Variants in LHFPL3 observed in about 807,000 individuals in gnomAD.
LHFPL3 encodes LHFPL tetraspan subfamily member 3, also known as LHFPL tetraspan subfamily member 3 protein.
A neutral mutation model predicts 19.3 loss-of-function variants in LHFPL3; 5 were observed. The observed-to-expected ratio is 0.26, with a 90% CI of 0.14 to 0.54. LHFPL3 has a LOEUF of 0.54. Ranked by LOEUF, LHFPL3 falls within the 20% of genes least tolerant of loss-of-function variation. LHFPL3 has a pLI of 0.94. For missense variants in LHFPL3, 249 were observed against 307.4 expected, an observed-to-expected ratio of 0.81 and a Z score of 1.42; for synonymous variants, 133 against 126.2, an observed-to-expected ratio of 1.05 and a Z score of -0.36.
At chr7:104,488,632 A>G (rs1267114072) in intron 1 of LHFPL3, among the ~76,000 whole-genome samples, 1 of 152,160 alleles carries the variant, frequency 6.6e-6, no homozygotes, top group Non-Finnish European at 1.5e-5. Flanking sequence ...TCATTTGGTC[A>G]AGGGATAAGA....
At chr7:104,373,673 G>C (rs1044087972) in intron 1 of LHFPL3, among the ~76,000 whole-genome samples, 1 of 137,036 alleles carries the variant, frequency 7.3e-6, no homozygotes, top group Non-Finnish European at 1.6e-5. Flanking sequence ...AGAAAGGCGG[G>C]AAAAACTCAA....
At chr7:104,555,161 A>G (rs1286381423) in intron 1 of LHFPL3, among the ~76,000 whole-genome samples, 1 of 152,222 alleles carries the variant, frequency 6.6e-6, no homozygotes, top group Non-Finnish European at 1.5e-5. Flanking sequence ...CTATCTAGGT[A>G]TCCATTAAGC....
At chr7:104,884,612 G>A (rs1349762919) in intron 2 of LHFPL3, among the ~76,000 whole-genome samples, 5 of 152,168 alleles carry the variant, frequency 3.3e-5, no homozygotes, top group Non-Finnish European at 7.3e-5. Flanking sequence ...CCAGCTGTTA[G>A]GAGGGAAATT....
At chr7:104,668,342 C>T in intron 1 of LHFPL3, 4 of 1,594,186 alleles carry the variant, frequency 2.5e-6, no homozygotes, top group South Asian at 1.1e-5. Context: ...CAGATACAGA[C>T]TGGAGGGCTC....
intron 2 of LHFPL3, among the ~76,000 whole-genome samples, chr7:104,883,115 A>C (rs1411749116): frequency 6.6e-6 from 1 of 152,252 alleles, no homozygotes; most frequent in Admixed American, 6.5e-5. Context: ...GATCAAGTTG[A>C]AACAAAGAGC....
intron 1 of LHFPL3, among the ~76,000 whole-genome samples, chr7:104,613,011 C>G (rs1042683290): frequency 1.3e-5 from 2 of 152,202 alleles, no homozygotes; most frequent in African/African-American, 2.4e-5. Flanking sequence ...ACTGTATTTA[C>G]TAATCATAGC....
intron 1 of LHFPL3, among the ~76,000 whole-genome samples, chr7:104,485,958 T>C (rs1413897488): frequency 6.6e-6 from 1 of 152,256 alleles, no homozygotes; most frequent in Non-Finnish European, 1.5e-5. Context: ...CAAGATGCAT[T>C]GTTTCTTTAG....
At chr7:104,568,907 G>A (rs1790174578) in intron 1 of LHFPL3, among the ~76,000 whole-genome samples, 1 of 152,198 alleles carries the variant, frequency 6.6e-6, no homozygotes, top group Non-Finnish European at 1.5e-5. Flanking sequence ...ATAGCAGAAT[G>A]TTTTGGCTAA....
At chr7:104,762,966 G>T (rs1315477624) in intron 2 of LHFPL3, among the ~76,000 whole-genome samples, 1 of 152,142 alleles carries the variant, frequency 6.6e-6, no homozygotes, top group Non-Finnish European at 1.5e-5. Context: ...GACCCTTCGT[G>T]GTGGCAAAAG....
At chr7:104,384,787 CAAAAAAAAAAAA>C (rs771136918) in intron 1 of LHFPL3, among the ~76,000 whole-genome samples, 8 of 74,564 alleles carry the variant, frequency 1.1e-4, no homozygotes, top group Non-Finnish European at 1.8e-4. Flanking sequence ...AACTCTATTT[CAAAAAAAAAAAA>C]AAAAAAAAAA....
At chr7:104,670,339 A>G (rs1240798796) in intron 1 of LHFPL3, among the ~76,000 whole-genome samples, 1 of 152,276 alleles carries the variant, frequency 6.6e-6, no homozygotes, top group Non-Finnish European at 1.5e-5. Flanking sequence ...TATTTCCTGG[A>G]GCCGGAAGCA....
chr7:104,351,491 C>T (rs1330559864), intron 1 of LHFPL3, among the ~76,000 whole-genome samples: 1 of 152,162 alleles, frequency 6.6e-6, no homozygotes, highest in Non-Finnish European at 1.5e-5. Context: ...TGGGCTCCTT[C>T]CTCCAATAAA....
At chr7:104,688,466 G>A (rs1033581063) in intron 1 of LHFPL3, among the ~76,000 whole-genome samples, 23 of 152,170 alleles carry the variant, frequency 1.5e-4, no homozygotes, top group African/African-American at 5.1e-4. Context: ...ATGGGACCCT[G>A]CAACTTGGAA....
chr7:104,388,786 C>T (rs1445004974), intron 1 of LHFPL3, among the ~76,000 whole-genome samples: 2 of 151,928 alleles, frequency 1.3e-5, no homozygotes, highest in African/African-American at 4.8e-5. Flanking sequence ...TGATTACTTT[C>T]ATAGATGCAG....
At chr7:104,843,400 C>A (rs1791251699) in intron 2 of LHFPL3, among the ~76,000 whole-genome samples, 1 of 152,194 alleles carries the variant, frequency 6.6e-6, no homozygotes, top group Admixed American at 6.5e-5. Context: ...TTTCAGGGAG[C>A]CAAGGCAGCC....
chr7:104,336,948 T>A (rs1789820843), intron 1 of LHFPL3, among the ~76,000 whole-genome samples: 1 of 152,162 alleles, frequency 6.6e-6, no homozygotes, highest in East Asian at 1.9e-4. Flanking sequence ...CTATGCCCTG[T>A]TAGAGAACAA....
chr7:104,699,755 C>A (rs992594982), intron 1 of LHFPL3, among the ~76,000 whole-genome samples: 8 of 152,126 alleles, frequency 5.3e-5, no homozygotes, highest in Non-Finnish European at 1.0e-4. Flanking sequence ...CCCCAGCATC[C>A]CCTCGCAGGA....
At chr7:104,650,704 C>CA (rs962271356) in intron 1 of LHFPL3, among the ~76,000 whole-genome samples, 50 of 151,290 alleles carry the variant, frequency 3.3e-4, no homozygotes, top group African/African-American at 3.2e-4. Flanking sequence ...TGGCTTTTGT[C>CA]AAAAAAAACA....
intron 1 of LHFPL3, among the ~76,000 whole-genome samples, chr7:104,560,628 C>T (rs899467264): frequency 2.1e-5 from 3 of 141,212 alleles, no homozygotes; most frequent in African/African-American, 8.7e-5. Context: ...TTTCAGAAAA[C>T]CAGCTCTTGG....
Sources: allele counts gnomAD v4.1 joint callset (sites outside exome capture counted in the v4.1 genomes callset), GRCh38; gene constraint gnomAD v4.1.1; transcripts MANE v1.5; gene names NCBI Gene and HGNC (gene_info 2026-07-23, HGNC 2026-07-21).